The following EYA1 variants were observed in gnomAD, a reference collection of about 807,000 sequenced individuals.
EYA1 encodes protein phosphatase EYA1.
A neutral mutation model predicts 82.0 loss-of-function variants in EYA1; 16 were observed. The ratio of observed to expected loss-of-function variants is 0.20; its 90% CI spans 0.13 to 0.30. The LOEUF is 0.30. EYA1 is among the 10% of genes least tolerant of loss of function. The pLI is 1.00. For synonymous variants in EYA1, 261 were observed against 264.4 expected (o/e 0.99, Z 0.12); for missense variants, 633 against 730.7 (o/e 0.87, Z 1.54).
At chr8:71,472,875 G>A (rs967898612) in intron 2 of EYA1, among the ~76,000 whole-genome samples, 16 of 148,966 alleles carry the variant, frequency 1.1e-4, no homozygotes, top group African/African-American at 3.9e-4. Flanking sequence ...CCACCTTACT[G>A]TCTAGACAGA....
chr8:71,309,396 AG>A (rs1821088150), intron 7 of EYA1, among the ~76,000 whole-genome samples: 1 of 152,184 alleles, frequency 6.6e-6, no homozygotes, highest in Non-Finnish European at 1.5e-5. Flanking sequence ...TAAAATGCCA[AG>A]AACTAAAAAA....
intron 12 of EYA1, among the ~76,000 whole-genome samples, chr8:71,242,083 T>C (rs1319283845): frequency 6.6e-6 from 1 of 152,018 alleles, no homozygotes; most frequent in African/African-American, 2.4e-5. Context: ...GTGGTGTGTA[T>C]CTGTAATCCC....
chr8:71,223,366 G>A (rs142784446), intron 12 of EYA1, among the ~76,000 whole-genome samples: 1 of 152,164 alleles, frequency 6.6e-6, no homozygotes, highest in African/African-American at 2.4e-5. Context: ...AAATTGAAAT[G>A]ACCATGGTCT....
intron 2 of EYA1, among the ~76,000 whole-genome samples, chr8:71,462,158 T>A (rs1432091442): frequency 1.3e-5 from 2 of 152,124 alleles, no homozygotes; most frequent in African/African-American, 4.8e-5. Flanking sequence ...CAGGAGCCTG[T>A]CTGCCTCCTG....
intron 2 of EYA1, among the ~76,000 whole-genome samples, chr8:71,465,016 C>CTCATAT (rs1328890276): frequency 1.3e-5 from 2 of 152,172 alleles, no homozygotes; most frequent in Non-Finnish European, 2.9e-5. Flanking sequence ...ATATGTGGAA[C>CTCATAT]TCATATAAAG....
intron 2 of EYA1, among the ~76,000 whole-genome samples, chr8:71,520,953 AC>A (rs1813350669): frequency 1.3e-5 from 2 of 152,182 alleles, no homozygotes; most frequent in African/African-American, 4.8e-5. Flanking sequence ...TTCCCAAAGT[AC>A]CATGAATCTC....
chr8:71,229,888 CA>C (rs1810993454), intron 12 of EYA1, among the ~76,000 whole-genome samples: 1 of 152,138 alleles, frequency 6.6e-6, no homozygotes, highest in Admixed American at 6.6e-5. Flanking sequence ...TCTGAAGAGG[CA>C]AAAGATTATA....
chr8:71,405,171 C>T (rs1830152885), intron 2 of EYA1, among the ~76,000 whole-genome samples: 1 of 152,098 alleles, frequency 6.6e-6, no homozygotes, highest in African/African-American at 2.4e-5. Flanking sequence ...CTTCTAGCAC[C>T]TGAAATTCTA....
intron 11 of EYA1, among the ~76,000 whole-genome samples, chr8:71,248,053 ACTTTT>A (rs1349796596): frequency 6.6e-6 from 1 of 152,240 alleles, no homozygotes; most frequent in African/African-American, 2.4e-5. Flanking sequence ...GCATACTTTA[ACTTTT>A]CTTCATAAAT....
intron 11 of EYA1, among the ~76,000 whole-genome samples, chr8:71,261,256 G>A (rs556500144): frequency 3.2e-4 from 48 of 152,190 alleles, no homozygotes; most frequent in Non-Finnish European, 6.0e-4. Flanking sequence ...CCATTATTGT[G>A]TTTTCTCCTG....
intron 2 of EYA1, among the ~76,000 whole-genome samples, chr8:71,406,345 T>A (rs1183086115): frequency 2.0e-5 from 3 of 152,134 alleles, no homozygotes. Context: ...TTTGATGACA[T>A]AAAGAAATTG....
chr8:71,368,508 A>G (rs1247680898), intron 2 of EYA1, among the ~76,000 whole-genome samples: 1 of 152,152 alleles, frequency 6.6e-6, no homozygotes, highest in East Asian at 1.9e-4. Context: ...AAAAAAAAAG[A>G]AAGAATTTGT....
chr8:71,351,298 C>T (rs1464092599), intron 3 of EYA1, among the ~76,000 whole-genome samples: 2 of 152,132 alleles, frequency 1.3e-5, no homozygotes, highest in East Asian at 1.9e-4. Flanking sequence ...CCAGGTCAAG[C>T]TTGAGTTGTT....
chr8:71,433,924 G>A (rs1262432032), intron 2 of EYA1, among the ~76,000 whole-genome samples: 1 of 152,236 alleles, frequency 6.6e-6, no homozygotes, highest in African/African-American at 2.4e-5. Context: ...CGCAGATGGA[G>A]CAGGCAGTTA....
intron 2 of EYA1, among the ~76,000 whole-genome samples, chr8:71,530,671 GTTTC>G (rs908849180): frequency 2.6e-5 from 4 of 152,120 alleles, no homozygotes; most frequent in South Asian, 2.1e-4. Context: ...TAAAGAGTGG[GTTTC>G]TTTCTATTAA....
chr8:71,295,012 T>A (rs1177004378), intron 9 of EYA1, among the ~76,000 whole-genome samples: 1 of 152,198 alleles, frequency 6.6e-6, no homozygotes, highest in Non-Finnish European at 1.5e-5. Context: ...CAAAAATTAA[T>A]CTGGAACCAC....
At chr8:71,331,525 T>A (rs1823869031) in intron 4 of EYA1, among the ~76,000 whole-genome samples, 1 of 149,964 alleles carries the variant, frequency 6.7e-6, no homozygotes, top group African/African-American at 2.4e-5. Flanking sequence ...AATGTAAAAA[T>A]TTTGAAAATA....
At chr8:71,233,985 C>A (rs7839798) in intron 12 of EYA1, among the ~76,000 whole-genome samples, 11,494 of 152,108 alleles carry the variant, frequency 0.076, 1,425 homozygotes, top group African/African-American at 0.26. Flanking sequence ...GGGGGTAGAC[C>A]GAGGTATGCA....
At chr8:71,339,394 T>G (rs1382574235) in intron 3 of EYA1, among the ~76,000 whole-genome samples, 1 of 152,204 alleles carries the variant, frequency 6.6e-6, no homozygotes, top group Non-Finnish European at 1.5e-5. Context: ...CCATACATGC[T>G]GGCCAAGTCC....
Sources: gnomAD v4.1 joint callset for allele counts (sites outside exome capture counted in the v4.1 genomes callset) on GRCh38, gnomAD v4.1.1 for gene constraint, MANE v1.5 for transcripts, NCBI Gene and HGNC (gene_info 2026-07-23, HGNC 2026-07-21) for gene names.